TREML2: variants seen among roughly 807,000 people sequenced by gnomAD.
TREML2 encodes the protein triggering receptor expressed on myeloid cells like 2.
In TREML2, 24 loss-of-function variants were observed where a neutral mutation model predicts 25.9. That is an observed-to-expected ratio of 0.93 (90% CI 0.67 to 1.30). The LOEUF (loss-of-function observed/expected upper bound fraction) is 1.30, where lower values mean the gene tolerates loss of function less well. TREML2 is among the 50% of genes most tolerant of loss of function. The pLI, the probability that TREML2 is intolerant of heterozygous loss-of-function variation, is 0.00. For synonymous variants in TREML2, 139 were observed against 155.2 expected, an observed-to-expected ratio of 0.90 and a Z score of 0.77; for missense variants, 359 against 395.6, an observed-to-expected ratio of 0.91 and a Z score of 0.78.
intron 2 of TREML2, among the ~76,000 whole-genome samples, chr6:41,196,892 G>T (rs1207465129): frequency 1.3e-5 from 2 of 152,184 alleles, no homozygotes; most frequent in Admixed American, 1.3e-4. Flanking sequence ...GTTCTAGGAG[G>T]TATCTTAAAC....
intron 2 of TREML2, among the ~76,000 whole-genome samples, chr6:41,196,602 T>G (rs1766169995): frequency 6.6e-6 from 1 of 152,240 alleles, no homozygotes; most frequent in Non-Finnish European, 1.5e-5. Context: ...TTCTTTATTA[T>G]GCTTACAAAG....
chr6:41,200,978 G>A lies in TREML2; in HGVS notation c.31C>T (p.Leu11=). ...CCTGAGACGCAACCCTGTGGCCACA[G>A]CAGCAGCAGCAGCAGGAAGGCTGGG... MAPAFLLLLL[L]WPQGCVSGPS... Residue 11 remains leucine, a synonymous_variant, in exon 1 of 5, where the codon CTG becomes TTG. Coordinates refer to ENST00000483722, the MANE Select transcript of TREML2 (RefSeq NM_024807.4). The A allele has an allele frequency of 7.5e-7, 1 of 1,334,964 alleles. No individual in the cohort carries two copies. The highest frequency in any genetic ancestry group is 1.0e-6 in the Non-Finnish European group (1 of 1,000,924). 82.7% of individuals were successfully genotyped at this position (1,334,964 alleles called of 1,614,324 possible). A position where few individuals can be genotyped will look rare whatever the true frequency, so the allele number is the denominator to read the frequency against.
Position 41,194,483 on chromosome 6 carries a change from C to CT in TREML2, c.726dup (p.Gly243ArgfsTer65). On this transcript the variant is annotated frameshift_variant, in exon 3 of 5. Coordinates refer to ENST00000483722, the MANE Select transcript of TREML2 (RefSeq NM_024807.4). LOFTEE classifies it high-confidence loss of function. ...AGAGATCTGCTGGTGAGGCAGAGCC[C>CT]TGTGGTGGGCGATCTGGTGCTGAGG... The CT allele has an allele frequency of 6.2e-7, 1 of 1,610,940 alleles. No individual in the cohort carries two copies. Among genetic ancestry groups the CT allele is most frequent in the Non-Finnish European group, 8.5e-7 (1 of 1,178,792 alleles).
At chr6:41,199,222 C>G (rs1027239999) in intron 1 of TREML2, among the ~76,000 whole-genome samples, 1 of 152,194 alleles carries the variant, frequency 6.6e-6, no homozygotes, top group Admixed American at 6.5e-5. Context: ...GATGCAGAGA[C>G]ACAAACACAG....
At chr6:41,193,446 G>A (rs983933537) in intron 3 of TREML2, among the ~76,000 whole-genome samples, 6 of 152,024 alleles carry the variant, frequency 3.9e-5, no homozygotes, top group South Asian at 2.1e-4. Flanking sequence ...GTAACTATGC[G>A]GGCTCCTTTG....
intron 3 of TREML2, among the ~76,000 whole-genome samples, chr6:41,193,497 G>A (rs574179900): frequency 7.2e-5 from 11 of 152,088 alleles, no homozygotes; most frequent in African/African-American, 2.2e-4. Context: ...GACTCTCCCC[G>A]TTGGGATTAG....
Position 41,192,491 on chromosome 6 carries a change from C to T in TREML2, c.902G>A (p.Ser301Asn), listed in dbSNP as rs747713444. ...AGGTGGGTCACGTGTAGAAGGATCGCTGCACATGCTGTAGCCTGCAAGAAA... is the reference window on the plus strand; with the variant it reads ...AGGTGGGTCACGTGTAGAAGGATCGTTGCACATGCTGTAGCCTGCAAGAAA... ...KRHMASYSMC[S>N]DPSTRDPPGR... Residue 301 changes from serine (S) to asparagine (N), a missense_variant, in exon 5 of 5, where the codon AGC (serine) becomes AAC (asparagine). Physicochemically the swap from Ser to Asn is conservative, Grantham distance 46. Transcript: ENST00000483722. 6.2e-7 allele frequency: 1 copy of T among 1,613,942 alleles called. No individual in the cohort carries two copies. The highest frequency in any genetic ancestry group is 2.2e-5 in the East Asian group (1 of 44,876).
chr6:41,198,081 C>G, intron 2 of TREML2, 28 bp downstream of exon 2: 2 of 1,549,894 alleles, frequency 1.3e-6, no homozygotes, highest in South Asian at 2.4e-5. Context: ...TCCCTCCACC[C>G]GTCCCAGAGC....
chr6:41,197,254 C>T (rs908051716), intron 2 of TREML2, among the ~76,000 whole-genome samples: 6 of 152,220 alleles, frequency 3.9e-5, no homozygotes, highest in African/African-American at 1.4e-4. Flanking sequence ...CAAGTGGCCA[C>T]TACATTCTTA....
chr6:41,197,856 AC>A lies in TREML2; in HGVS notation c.376+252del, dbSNP rs1291318803. On this transcript the variant is annotated intron_variant, in intron 2 of 4. Transcript: ENST00000483722. ...ACAGCACAGACAGTGCCAAGTTTGA[AC>A]CTTATCTCAGCCACCTGCTAGCTCT... is the stretch of plus-strand genomic sequence containing the variant. Among the ~76,000 whole-genome samples the A allele has an allele frequency of 2.0e-5, 3 of 152,138 alleles. No homozygotes were observed. The East Asian group carries it at 5.8e-4, about 29-fold the overall frequency.
chr6:41,197,353 T>C (rs185708725), intron 2 of TREML2, among the ~76,000 whole-genome samples: 1 of 152,312 alleles, frequency 6.6e-6, no homozygotes, highest in Admixed American at 6.5e-5. Context: ...TGCTTGACTC[T>C]CCAACCTCCT....
At chr6:41,200,352 A>G (rs1214838352) in intron 1 of TREML2, among the ~76,000 whole-genome samples, 2 of 151,988 alleles carry the variant, frequency 1.3e-5, no homozygotes, top group Admixed American at 1.3e-4. Context: ...ATGTGTGCCT[A>G]CACCTCCCAC....
chr6:41,194,348 C>A, intron 3 of TREML2, 77 bp downstream of exon 3: 1 of 1,403,862 alleles, frequency 7.1e-7, no homozygotes, highest in Non-Finnish European at 9.5e-7. Flanking sequence ...AGGGGAAGGT[C>A]AGATATAAGA....
rs62621763 is a variant in TREML2, at chr6:41,201,101, C to G, written c.-93G>C. On this transcript the variant is annotated 5_prime_UTR_variant, in exon 1 of 5. Coordinates refer to ENST00000483722, the MANE Select transcript of TREML2 (RefSeq NM_024807.4). ...GCCACCTGGGCCTGCCAGGGAAGGA[C>G]CCGGGGTTCTAAAAGTGAAGCTGCC... The G allele has an allele frequency of 1.4e-6, 2 of 1,471,916 alleles. No homozygotes were observed. The highest frequency in any genetic ancestry group is 1.9e-6 in the Non-Finnish European group (2 of 1,051,090). 91.2% of individuals were successfully genotyped at this position (1,471,916 alleles called of 1,614,324 possible).
Position 41,194,828 on chromosome 6 carries a change from G to A in TREML2, c.382C>T (p.Gln128Ter). The A allele has an allele frequency of 6.4e-7, 1 of 1,558,010 alleles. No individual in the cohort carries two copies. The highest frequency in any genetic ancestry group is 8.7e-7 in the Non-Finnish European group (1 of 1,148,766). The change falls in exon 3 of 5, where the codon CAA becomes TAA. Residue 128 changes from glutamine (Q) to a stop codon, truncating the protein, a stop_gained. Coordinates refer to ENST00000483722, the MANE Select transcript of TREML2 (RefSeq NM_024807.4). LOFTEE classifies it high-confidence loss of function. ...GTGAAAGGAATGTTCCTCTCAGTTT[G>A]GGGAGCTGAAAGACAGAAAGGGAGG... ...GFQLDVSPAPQTERNIPFTHL... is the reference protein window; with the variant it reads ...GFQLDVSPAP
rs1333424933 is a variant in TREML2, at chr6:41,190,364, T to C, written c.*2063A>G. The C allele has an allele frequency of 6.6e-6, 1 of 152,004 alleles. No homozygotes were observed. Among genetic ancestry groups the C allele is most frequent in the East Asian group, 1.9e-4 (1 of 5,186 alleles). The allele number at this position is 152,004 out of a possible 1,614,324, so 9.4% of individuals were successfully genotyped here. A position where few individuals can be genotyped will look rare whatever the true frequency, so the allele number is the denominator to read the frequency against. On this transcript the variant is annotated 3_prime_UTR_variant, in exon 5 of 5. Coordinates refer to ENST00000483722, the MANE Select transcript of TREML2 (RefSeq NM_024807.4). ...TCGGGGGCCCTCAACATCCATATAG[T>C]GATGACACTTGGGAAGAGATATGAC...
Position 41,198,294 on chromosome 6 carries a change from T to C in TREML2, c.191A>G (p.Glu64Gly). 1.2e-6 allele frequency: 2 copies of C among 1,614,236 alleles called. No individual in the cohort carries two copies. Among genetic ancestry groups the C allele is most frequent in the Non-Finnish European group, 1.7e-6 (2 of 1,180,036 alleles). Residue 64 changes from glutamate to glycine, a missense_variant, in exon 2 of 5, where the codon GAG (glutamate) becomes GGG (glycine). Glu to Gly is a moderately conservative substitution (Grantham distance 98). Coordinates refer to ENST00000483722, the MANE Select transcript of TREML2 (RefSeq NM_024807.4). ...VWCKIRKKKC[E>G]PGFARVWVKG... The stretch of plus-strand genomic sequence containing the variant: ...CACCCAGACTCGGGCAAAGCCAGGC[T>C]CACACTTCTTCTTCCTGATTTTGCA...
At position 41,192,252 on chromosome 6, in the gene TREML2, C is replaced by G. The variant is rs41273766; in HGVS notation, c.*175G>C. The G allele has an allele frequency of 2.3e-3, 1,425 of 618,046 alleles. 2 individuals carry two copies. The highest frequency in any genetic ancestry group is 3.5e-3 in the Non-Finnish European group (1,205 of 342,432). 38.3% of individuals were successfully genotyped at this position (618,046 alleles called of 1,614,324 possible). Reference sequence around the variant, plus strand: ...CAGGTTCCTGCCCCCAAGGAGAACACTGGGCTGTGGGGCTGCTTAGGATGG... The same window carrying G: ...CAGGTTCCTGCCCCCAAGGAGAACAGTGGGCTGTGGGGCTGCTTAGGATGG... On this transcript the variant is annotated 3_prime_UTR_variant, in exon 5 of 5. Transcript: ENST00000483722.
At chr6:41,192,643 TCTC>T (rs2113902453) in intron 4 of TREML2, 137 bp from the exon 5 acceptor site, 1 of 1,152,558 alleles carries the variant, frequency 8.7e-7, no homozygotes, top group East Asian at 2.5e-5. Context: ...TGCTGGGTGG[TCTC>T]CGCCTGGCCG....
Sources: allele counts gnomAD v4.1 joint callset (sites outside exome capture counted in the v4.1 genomes callset), GRCh38; gene constraint gnomAD v4.1.1; transcripts MANE v1.5; gene names NCBI Gene and HGNC (gene_info 2026-07-23, HGNC 2026-07-21).